RAB2A: variants seen among roughly 807,000 people sequenced by gnomAD.
The protein encoded by RAB2A is ras-related protein Rab-2A.
In RAB2A, 7 loss-of-function variants were observed where a neutral mutation model predicts 32.5. The ratio of observed to expected loss-of-function variants is 0.22; its 90% CI spans 0.12 to 0.40. The LOEUF (loss-of-function observed/expected upper bound fraction) is 0.40. Ranked by LOEUF, RAB2A falls within the 10% of genes least tolerant of loss-of-function variation. The probability of loss-of-function intolerance (pLI) is 1.00; values close to 1 mark genes in which losing one functional copy is unlikely to be tolerated. For synonymous variants in RAB2A, 79 were observed against 85.2 expected (o/e 0.93, Z 0.40); for missense variants, 108 against 260.7 (o/e 0.41, Z 4.03).
intron 2 of RAB2A, among the ~76,000 whole-genome samples, chr8:60,565,449 A>C (rs1427734269): frequency 1.3e-5 from 2 of 151,420 alleles, no homozygotes; most frequent in East Asian, 1.9e-4. Context: ...GAAGTAAATG[A>C]TTGGTGGAAA....
At chr8:60,519,204 ACTGTCAGTTTAGTCATC>A (rs1460617895) in intron 1 of RAB2A, among the ~76,000 whole-genome samples, 3 of 152,192 alleles carry the variant, frequency 2.0e-5, no homozygotes, top group Non-Finnish European at 4.4e-5. Flanking sequence ...AGTGTAGTTT[ACTGTCAGTTTAGTCATC>A]CTGAAGCATG....
chr8:60,593,257 A>G (rs1275855873), intron 6 of RAB2A, among the ~76,000 whole-genome samples: 1 of 152,222 alleles, frequency 6.6e-6, no homozygotes, highest in Non-Finnish European at 1.5e-5. Flanking sequence ...CCTAGATGGC[A>G]TAGCCTACTA....
chr8:60,535,046 C>A (rs1417061764), intron 1 of RAB2A, among the ~76,000 whole-genome samples: 1 of 152,042 alleles, frequency 6.6e-6, no homozygotes, highest in Non-Finnish European at 1.5e-5. Context: ...TCAGCCGTAG[C>A]CATGAATAAA....
At chr8:60,566,258 CTCA>C (rs1808111664) in intron 2 of RAB2A, among the ~76,000 whole-genome samples, 1 of 152,220 alleles carries the variant, frequency 6.6e-6, no homozygotes, top group African/African-American at 2.4e-5. Context: ...CGCATTCCTC[CTCA>C]TCCTTGCTTC....
At chr8:60,575,653 C>CTTTTT (rs35451518) in intron 3 of RAB2A, among the ~76,000 whole-genome samples, 4 of 113,222 alleles carry the variant, frequency 3.5e-5, no homozygotes, top group Non-Finnish European at 5.2e-5. Context: ...GGATATTTGT[C>CTTTTT]TTTTTTTTTT....
chr8:60,613,161 G>A (rs900804968), intron 6 of RAB2A, among the ~76,000 whole-genome samples: 29 of 152,044 alleles, frequency 1.9e-4, no homozygotes, highest in African/African-American at 6.0e-4. Flanking sequence ...TTAAGGTTTA[G>A]CTCTATTTAA....
Position 60,549,963 on chromosome 8 carries a change from T to A in RAB2A, c.47-8889T>A, listed in dbSNP as rs549296035. Reference sequence around the variant, plus strand: ...TTCTCATTCTGTTTAATTCTGTGATTAAATAACAAACATGGGCTATGTCTC... The same window carrying A: ...TTCTCATTCTGTTTAATTCTGTGATAAAATAACAAACATGGGCTATGTCTC... On this transcript the variant is annotated intron_variant, in intron 1 of 7. Coordinates refer to ENST00000262646, the MANE Select transcript of RAB2A (RefSeq NM_002865.3). 7.9e-5 allele frequency among the ~76,000 whole-genome samples: 12 copies of A among 152,354 alleles called. No individual in the cohort carries two copies. In the East Asian group the frequency reaches 2.3e-3, roughly 29 times the overall value.
Position 60,588,628 on chromosome 8 carries a change from A to C in RAB2A, c.363-3230A>C, listed in dbSNP as rs376453327. On this transcript the variant is annotated intron_variant, in intron 5 of 7. Coordinates refer to ENST00000262646, the MANE Select transcript of RAB2A (RefSeq NM_002865.3). ...ATAAAAATCCTAGTAAATGTGTACT[A>C]ATCTGTAGTGGCAGAAAGCAGATCA... Among the ~76,000 whole-genome samples the C allele has an allele frequency of 2.0e-5, 3 of 152,342 alleles. No homozygotes were observed. In the East Asian group the frequency reaches 5.8e-4, roughly 29 times the overall value.
intron 7 of RAB2A, among the ~76,000 whole-genome samples, chr8:60,620,315 T>C (rs536403311): frequency 6.6e-6 from 1 of 152,366 alleles, no homozygotes; most frequent in African/African-American, 2.4e-5. Context: ...AGAAAAGATT[T>C]TACGTTGTAT....
At chr8:60,524,710 C>T (rs1457407999) in intron 1 of RAB2A, among the ~76,000 whole-genome samples, 1 of 152,218 alleles carries the variant, frequency 6.6e-6, no homozygotes, top group Non-Finnish European at 1.5e-5. Context: ...CTGTTTTAGT[C>T]ACTCTCCGGG....
rs568420105 is a variant in RAB2A at position 60,556,658 on chromosome 8, AAAAAG to A, written c.47-2192_47-2188del. Among the ~76,000 whole-genome samples, 90 of 151,348 alleles carry A rather than the reference AAAAAG, an allele frequency of 5.9e-4. 2 individuals carry two copies. The Middle Eastern group carries it at 0.01, about 17-fold the overall frequency. The stretch of plus-strand genomic sequence containing the variant: ...CTTTTTAATAAAAAAAAAAAAAAAA[AAAAAG>A]AGGAAGAAGAAGAATATGGAATCCT... On this transcript the variant is annotated intron_variant, in intron 1 of 7. Transcript: ENST00000262646.
chr8:60,592,709 T>C (rs1050523733), intron 6 of RAB2A, among the ~76,000 whole-genome samples: 25 of 152,272 alleles, frequency 1.6e-4, no homozygotes, highest in South Asian at 6.2e-4. Context: ...GTGTATTCTT[T>C]TATGCTCTAT....
intron 6 of RAB2A, among the ~76,000 whole-genome samples, chr8:60,593,711 A>G (rs1189557436): frequency 6.6e-6 from 1 of 152,156 alleles, no homozygotes; most frequent in Non-Finnish European, 1.5e-5. Flanking sequence ...ACCTAGAACC[A>G]GGAAGATCTT....
intron 2 of RAB2A, among the ~76,000 whole-genome samples, chr8:60,560,337 C>T (rs747863876): frequency 6.6e-6 from 1 of 152,226 alleles, no homozygotes; most frequent in East Asian, 1.9e-4. Flanking sequence ...GATCTGCCGG[C>T]CTTGGCCTCC....
At chr8:60,574,895 T>C (rs1317887584) in intron 3 of RAB2A, among the ~76,000 whole-genome samples, 1 of 152,162 alleles carries the variant, frequency 6.6e-6, no homozygotes, top group African/African-American at 2.4e-5. Context: ...CTGAGAGAGA[T>C]GGTGGTCCGT....
intron 1 of RAB2A, among the ~76,000 whole-genome samples, chr8:60,543,456 T>TCATTCACTTAACTG (rs1807678408): frequency 7.4e-6 from 1 of 135,372 alleles, no homozygotes; most frequent in African/African-American, 3.8e-5. Context: ...TCACTTTGCT[T>TCATTCACTTAACTG]TCTCCCCTGT....
chr8:60,609,960 C>CAAA (rs5891772), intron 6 of RAB2A, among the ~76,000 whole-genome samples: 6 of 80,590 alleles, frequency 7.4e-5, no homozygotes, highest in South Asian at 4.3e-4. Flanking sequence ...CCCTGTGTCT[C>CAAA]AAAAAAAAAA....
intron 1 of RAB2A, among the ~76,000 whole-genome samples, chr8:60,546,868 CTTTTTG>C (rs1181893795): frequency 2.4e-5 from 3 of 123,638 alleles, no homozygotes; most frequent in African/African-American, 6.0e-5. Context: ...GTTTGGGTTG[CTTTTTG>C]TTTTTGTTTT....
At chr8:60,575,120 A>T (rs1586091795) in intron 3 of RAB2A, among the ~76,000 whole-genome samples, 2 of 127,890 alleles carry the variant, frequency 1.6e-5, no homozygotes, top group Non-Finnish European at 1.6e-5. Context: ...TGGTTTTGAG[A>T]CAGCGTCTTA....
Sources: allele counts gnomAD v4.1 joint callset (sites outside exome capture counted in the v4.1 genomes callset), GRCh38; gene constraint gnomAD v4.1.1; transcripts MANE v1.5; gene names NCBI Gene and HGNC (gene_info 2026-07-23, HGNC 2026-07-21).